ASTN1: variants seen among roughly 807,000 people sequenced by gnomAD.
The protein encoded by ASTN1 is astrotactin 1.
ASTN1 carries 41 observed loss-of-function variants against 140.7 expected under a neutral mutation model. The ratio of observed to expected loss-of-function variants is 0.29; its 90% confidence interval spans 0.23 to 0.38. The LOEUF is 0.38. Among genes scored for constraint, ASTN1 ranks in the 10% least tolerant of loss-of-function variants. The pLI is 1.00. For synonymous variants in ASTN1, 640 were observed against 652.2 expected, an observed-to-expected ratio of 0.98 and a Z score of 0.29; for missense variants, 1,479 against 1,678.8, an observed-to-expected ratio of 0.88 and a Z score of 2.08.
At chr1:176,909,827 G>T (rs183190674) in intron 16 of ASTN1, among the ~76,000 whole-genome samples, 1 of 152,106 alleles carries the variant, frequency 6.6e-6, no homozygotes, top group Non-Finnish European at 1.5e-5. Context: ...TCTTTCCACT[G>T]TCTAAGTCTG....
At chr1:177,126,503 T>C (rs892220656) in intron 1 of ASTN1, among the ~76,000 whole-genome samples, 1 of 152,090 alleles carries the variant, frequency 6.6e-6, no homozygotes, top group Non-Finnish European at 1.5e-5. Flanking sequence ...TGCAACCCAG[T>C]AGCACAGGAG....
chr1:176,932,567 C>T (rs1339438773), intron 16 of ASTN1, among the ~76,000 whole-genome samples: 1 of 152,152 alleles, frequency 6.6e-6, no homozygotes, highest in Non-Finnish European at 1.5e-5. Context: ...TGTTTGAATG[C>T]CTTTTAAGAT....
intron 1 of ASTN1, among the ~76,000 whole-genome samples, chr1:177,083,756 C>G (rs949023489): frequency 6.6e-6 from 1 of 152,136 alleles, no homozygotes; most frequent in Non-Finnish European, 1.5e-5. Context: ...GACAACTACT[C>G]TCAGTGGTAA....
intron 1 of ASTN1, among the ~76,000 whole-genome samples, chr1:177,115,909 A>T (rs1156925666): frequency 1.3e-5 from 2 of 152,136 alleles, no homozygotes; most frequent in Non-Finnish European, 2.9e-5. Context: ...CTCCATAGAG[A>T]TTTGTAATCT....
At chr1:177,132,714 G>A (rs1681998649) in intron 1 of ASTN1, among the ~76,000 whole-genome samples, 1 of 152,284 alleles carries the variant, frequency 6.6e-6, no homozygotes, top group South Asian at 2.1e-4. Context: ...CACTCTGCAA[G>A]CCACCTCGTA....
At chr1:177,125,454 G>A (rs1424940569) in intron 1 of ASTN1, among the ~76,000 whole-genome samples, 2 of 152,228 alleles carry the variant, frequency 1.3e-5, no homozygotes, top group Non-Finnish European at 2.9e-5. Flanking sequence ...CAAAGGCCAA[G>A]TAGTCTTTAA....
chr1:177,134,717 C>T (rs901136967), intron 1 of ASTN1, among the ~76,000 whole-genome samples: 2 of 152,140 alleles, frequency 1.3e-5, no homozygotes, highest in Admixed American at 1.3e-4. Flanking sequence ...AATGGCTTCA[C>T]TGTGTGCTTC....
chr1:176,960,290 G>T (rs917176551), intron 9 of ASTN1, among the ~76,000 whole-genome samples: 5 of 152,194 alleles, frequency 3.3e-5, no homozygotes, highest in African/African-American at 1.2e-4. Flanking sequence ...ATTTTAGAGA[G>T]AATGTCTACA....
chr1:176,951,348 C>A lies in ASTN1; in HGVS notation c.1888-1997G>T, dbSNP rs72718676. 3.6e-3 allele frequency among the ~76,000 whole-genome samples: 541 copies of A among 152,234 alleles called. 3 individuals carry two copies. Among genetic ancestry groups the A allele is most frequent in the African/African-American group, 0.012 (515 of 41,538 alleles). On this transcript the variant is annotated intron_variant, in intron 11 of 22. Coordinates refer to ENST00000361833, the MANE Select transcript of ASTN1 (RefSeq NM_004319.3). ...GAAGGGAGCTGGCTTCAGCACTGTG[C>A]GGCTGCCCAGGCATGGATGCAGGAT...
intron 1 of ASTN1, among the ~76,000 whole-genome samples, chr1:177,150,712 T>G (rs185258203): frequency 3.4e-4 from 51 of 152,230 alleles, no homozygotes; most frequent in Admixed American, 9.8e-4. Flanking sequence ...AATGGAGTTA[T>G]GAAGGCGGAG....
chr1:177,060,708 C>G (rs112004381), intron 2 of ASTN1, among the ~76,000 whole-genome samples: 5 of 152,158 alleles, frequency 3.3e-5, no homozygotes, highest in Non-Finnish European at 7.3e-5. Context: ...ACCATGTTGG[C>G]TAGGCTGGTC....
chr1:176,860,296 A>G (rs1004216951), downstream of ASTN1, among the ~76,000 whole-genome samples: 3 of 152,232 alleles, frequency 2.0e-5, no homozygotes, highest in Non-Finnish European at 4.4e-5. Flanking sequence ...ATCTGTGGCC[A>G]TGTTTTAAAA....
chr1:176,995,779 A>C (rs1197839088), intron 8 of ASTN1, among the ~76,000 whole-genome samples: 2 of 152,120 alleles, frequency 1.3e-5, no homozygotes, highest in African/African-American at 4.8e-5. Context: ...GCTAGAGAGG[A>C]AGGACTTGGG....
intron 1 of ASTN1, among the ~76,000 whole-genome samples, chr1:177,088,120 T>C (rs1679568020): frequency 2.0e-5 from 3 of 152,186 alleles, no homozygotes; most frequent in African/African-American, 7.2e-5. Context: ...AGAGTTTCCA[T>C]TTAGTGTAGG....
chr1:176,884,387 G>T lies in ASTN1; in HGVS notation c.3178C>A (p.Arg1060Ser). The T allele has an allele frequency of 6.2e-7, 1 of 1,614,156 alleles. No individual in the cohort carries two copies. The highest frequency in any genetic ancestry group is 1.3e-5 in the African/African-American group (1 of 75,026). ...IGVQIVDYLL[R>S]QEKVTDRMDH... ...ATCCTGTCAGTGACTTTCTCTTGAC[G>T]GAGGAGGTAATCTACAATCTGCACC... Residue 1060 changes from arginine to serine, a missense_variant, in exon 19 of 23, where the codon CGT (arginine) becomes AGT (serine). Transcript: ENST00000361833.
intron 16 of ASTN1, among the ~76,000 whole-genome samples, chr1:176,897,190 G>T (rs1367643002): frequency 6.9e-6 from 1 of 145,586 alleles, no homozygotes; most frequent in African/African-American, 2.6e-5. Context: ...CAAGAGAATC[G>T]CTTGAACTCG....
intron 2 of ASTN1, among the ~76,000 whole-genome samples, chr1:177,041,874 C>T (rs1193830959): frequency 6.6e-6 from 1 of 152,142 alleles, no homozygotes; most frequent in Non-Finnish European, 1.5e-5. Context: ...GCTGATAGCT[C>T]CATAGGTAGC....
chr1:177,019,437 T>G (rs1204968123), intron 7 of ASTN1, among the ~76,000 whole-genome samples: 2 of 152,216 alleles, frequency 1.3e-5, no homozygotes, highest in African/African-American at 4.8e-5. Flanking sequence ...CTAATTTACA[T>G]GCATGCTGAA....
chr1:177,146,046 T>G (rs1682706665), intron 1 of ASTN1, among the ~76,000 whole-genome samples: 1 of 152,214 alleles, frequency 6.6e-6, no homozygotes, highest in African/African-American at 2.4e-5. Context: ...CTAATCCATT[T>G]CATTACAGTA....
Sources: gnomAD v4.1 joint callset for allele counts (sites outside exome capture counted in the v4.1 genomes callset) on GRCh38, gnomAD v4.1.1 for gene constraint, MANE v1.5 for transcripts, NCBI Gene and HGNC (gene_info 2026-07-23, HGNC 2026-07-21) for gene names.